FHL5: variants seen among roughly 807,000 people sequenced by gnomAD.
FHL5 encodes four and a half LIM domains protein 5.
Under a neutral mutation model 32.0 loss-of-function variants are expected in FHL5, and 33 were observed. The ratio of observed to expected loss-of-function variants is 1.03; its 90% CI spans 0.78 to 1.38. FHL5 has a LOEUF of 1.38. Ranked by LOEUF, FHL5 falls within the 40% of genes most tolerant of loss-of-function variation. The probability of loss-of-function intolerance (pLI) is 0.00; values close to 1 mark genes in which losing one functional copy is unlikely to be tolerated. For missense variants in FHL5, 336 were observed against 343.9 expected, an observed-to-expected ratio of 0.98 and a Z score of 0.18; for synonymous variants, 114 against 113.6, an observed-to-expected ratio of 1.00 and a Z score of -0.02.
chr6:96,612,093 C>T (rs938040129), intron 5 of FHL5, among the ~76,000 whole-genome samples: 1 of 152,192 alleles, frequency 6.6e-6, no homozygotes, highest in Admixed American at 6.5e-5. Flanking sequence ...ACCCTGTCTG[C>T]ATCACTCAGC....
At chr6:96,572,829 G>A (rs931024011) in intron 1 of FHL5, among the ~76,000 whole-genome samples, 1 of 152,140 alleles carries the variant, frequency 6.6e-6, no homozygotes, top group African/African-American at 2.4e-5. Context: ...GATCCCACTT[G>A]GGGGATGGGA....
At chr6:96,607,922 T>C (rs1286592835) in intron 4 of FHL5, among the ~76,000 whole-genome samples, 1 of 152,010 alleles carries the variant, frequency 6.6e-6, no homozygotes, top group East Asian at 1.9e-4. Flanking sequence ...GGCCCAGAAA[T>C]TCAAGGCTGC....
intron 1 of FHL5, among the ~76,000 whole-genome samples, chr6:96,572,071 A>G (rs770054448): frequency 1.4e-4 from 22 of 152,094 alleles, no homozygotes; most frequent in Non-Finnish European, 2.9e-4. Flanking sequence ...AAAATTGTTC[A>G]GTTTATAGAG....
At position 96,616,209 on chromosome 6, in the gene FHL5, G is replaced by A. The variant is rs1264356345; in HGVS notation, c.*437G>A. 6.6e-6 allele frequency: 1 copy of A among 152,370 alleles called. No homozygotes were observed. Among genetic ancestry groups the A allele is most frequent in the African/African-American group, 2.4e-5 (1 of 41,430 alleles). 9.4% of individuals were successfully genotyped at this position (152,370 alleles called of 1,614,324 possible). On this transcript the variant is annotated 3_prime_UTR_variant, in exon 6 of 6. Transcript: ENST00000450218. ...TAATGTGATAAATTAGCTATGAATG[G>A]TAAAAGAACAAAACTGATCAGAGTA...
intron 1 of FHL5, among the ~76,000 whole-genome samples, chr6:96,573,582 C>T (rs9486613): frequency 0.057 from 7,626 of 134,202 alleles, 623 homozygotes; most frequent in African/African-American, 0.19. Context: ...AGTGCAGTGG[C>T]GCAATCTCGG....
At position 96,617,151 on chromosome 6, in the gene FHL5, ATTACTTGGGACAAATGGAAAGCAACCTC is replaced by A. The variant is rs1312914119; in HGVS notation, c.*1381_*1408del. ...CTTGCTACCCCTGGATATTTTCCACATTACTTGGGACAAATGGAAAGCAACCTCTGCTCTCCATGATCTGTTTTCACAT... is the reference window on the plus strand; with the variant it reads ...CTTGCTACCCCTGGATATTTTCCACATGCTCTCCATGATCTGTTTTCACAT... On this transcript the variant is annotated 3_prime_UTR_variant, in exon 6 of 6. Coordinates refer to ENST00000450218, the MANE Select transcript of FHL5 (RefSeq NM_001322466.2). Among the ~76,000 whole-genome samples, 22 of 152,196 alleles carry A rather than the reference ATTACTTGGGACAAATGGAAAGCAACCTC, an allele frequency of 1.4e-4. No homozygotes were observed. The highest frequency in any genetic ancestry group is 1.4e-3 in the Admixed American group (22 of 15,288).
chr6:96,598,910 T>C (rs1771091363), intron 1 of FHL5, among the ~76,000 whole-genome samples: 1 of 152,160 alleles, frequency 6.6e-6, no homozygotes, highest in South Asian at 2.1e-4. Context: ...AATAAATAGA[T>C]GGTGTGTGAT....
Position 96,615,877 on chromosome 6 carries a change from T to A in FHL5, c.*105T>A. 1 of 983,850 alleles carries A rather than the reference T, an allele frequency of 1.0e-6. No individual in the cohort carries two copies. The highest frequency in any genetic ancestry group is 1.5e-6 in the Non-Finnish European group (1 of 689,110). The allele number at this position is 983,850 out of a possible 1,614,324, so 60.9% of individuals were successfully genotyped here. The stretch of plus-strand genomic sequence containing the variant: ...ACTTAAGTTTTAGAAAATATTCATG[T>A]AGTTTAGAGTGGAAAAGTTTTTGCA... On this transcript the variant is annotated 3_prime_UTR_variant, in exon 6 of 6. Coordinates refer to ENST00000450218, the MANE Select transcript of FHL5 (RefSeq NM_001322466.2).
chr6:96,580,595 C>T (rs1317804837), intron 1 of FHL5, among the ~76,000 whole-genome samples: 1 of 152,110 alleles, frequency 6.6e-6, no homozygotes, highest in Non-Finnish European at 1.5e-5. Context: ...AATGAACTCT[C>T]CTTTTATCAC....
chr6:96,573,572 A>C (rs1582458278), intron 1 of FHL5, among the ~76,000 whole-genome samples: 1 of 123,554 alleles, frequency 8.1e-6, no homozygotes, highest in African/African-American at 3.3e-5. Context: ...CCCAGGCTGG[A>C]GTGCAGTGGC....
In FHL5 at chr6:96,610,676, C is replaced by A. The variant is rs764169177; in HGVS notation, c.609C>A (p.Ser203=). The change falls in exon 5 of 6, where the codon TCC becomes TCA. Residue 203 remains serine, a synonymous_variant. Coordinates refer to ENST00000450218, the MANE Select transcript of FHL5 (RefSeq NM_001322466.2). ...ATCTCTGTGAAGAACAGTTCATGTCCAGAGACGACTATCCATTCTGCGTGG... is the reference window on the plus strand; with the variant it reads ...ATCTCTGTGAAGAACAGTTCATGTCAAGAGACGACTATCCATTCTGCGTGG... The part of the protein sequence containing the change: ...RKDLCEEQFM[S]RDDYPFCVDC... The A allele has an allele frequency of 9.9e-6, 16 of 1,613,258 alleles. No homozygotes were observed. Among genetic ancestry groups the A allele is most frequent in the Middle Eastern group, 1.6e-4 (1 of 6,084 alleles).
intron 1 of FHL5, among the ~76,000 whole-genome samples, chr6:96,582,463 C>T (rs1350375137): frequency 6.6e-6 from 1 of 151,978 alleles, no homozygotes; most frequent in African/African-American, 2.4e-5. Flanking sequence ...CTGTATTTTA[C>T]TTCTATTTCA....
intron 1 of FHL5, among the ~76,000 whole-genome samples, chr6:96,575,760 T>C (rs1770571360): frequency 6.6e-6 from 1 of 152,214 alleles, no homozygotes; most frequent in Non-Finnish European, 1.5e-5. Context: ...AAAAAATTCT[T>C]GATCTGTTTT....
At chr6:96,603,983 G>A (rs1771213866) in intron 2 of FHL5, among the ~76,000 whole-genome samples, 1 of 152,162 alleles carries the variant, frequency 6.6e-6, no homozygotes. Context: ...ATCTTCTAAG[G>A]TAGCTGAGAA....
chr6:96,591,490 T>G (rs927969094), intron 1 of FHL5, among the ~76,000 whole-genome samples: 3 of 152,072 alleles, frequency 2.0e-5, no homozygotes, highest in African/African-American at 7.2e-5. Flanking sequence ...TATTTTAACG[T>G]GGGTGGATGA....
rs1770315913 is a variant in FHL5, at chr6:96,564,713, T to C, written c.-13+1358T>C. Among the ~76,000 whole-genome samples, 3 of 152,292 alleles carry C rather than the reference T, an allele frequency of 2.0e-5. No homozygotes were observed. The South Asian group carries it at 6.2e-4, about 32-fold the overall frequency. ...TTTTATTTTTTCAATCGAGGGAACA[T>C]GATCTCTTTAGAAATGAAAGCTGAA... On this transcript the variant is annotated intron_variant, in intron 1 of 5. Coordinates refer to ENST00000450218, the MANE Select transcript of FHL5 (RefSeq NM_001322466.2).
rs1771387942 is a variant in FHL5, at chr6:96,610,727, C to T, written c.660C>T (p.Asn220=). ...CVDCYNHLYA[N]KCVACSKPIS... ...ACTGCTACAACCATCTTTATGCCAA[C>T]AAGTGTGTAGCCTGTTCCAAACCCA... The change falls in exon 5 of 6, where the codon AAC becomes AAT. Residue 220 remains asparagine, a synonymous_variant. Transcript: ENST00000450218. 2 of 1,613,650 alleles carry T rather than the reference C, an allele frequency of 1.2e-6. No individual in the cohort carries two copies. The highest frequency in any genetic ancestry group is 1.7e-5 in the Admixed American group (1 of 59,998).
intron 1 of FHL5, among the ~76,000 whole-genome samples, chr6:96,602,779 A>C (rs1423884016): frequency 6.6e-6 from 1 of 152,108 alleles, no homozygotes; most frequent in African/African-American, 2.4e-5. Flanking sequence ...TGCTCTATAC[A>C]TGTTACTTTG....
intron 1 of FHL5, among the ~76,000 whole-genome samples, chr6:96,571,033 T>C (rs1367144945): frequency 6.6e-6 from 1 of 152,214 alleles, no homozygotes. Flanking sequence ...AGTTATTATA[T>C]TCCTTTGTTG....
Sources: allele counts gnomAD v4.1 joint callset (sites outside exome capture counted in the v4.1 genomes callset), GRCh38; gene constraint gnomAD v4.1.1; transcripts MANE v1.5; gene names NCBI Gene and HGNC (gene_info 2026-07-23, HGNC 2026-07-21).